SBF2: variants seen among roughly 807,000 people sequenced by gnomAD.
The protein encoded by SBF2 is myotubularin-related protein 13.
Under a neutral mutation model 225.2 loss-of-function variants are expected in SBF2, and 112 were observed. That is an observed-to-expected ratio of 0.50 (90% confidence interval 0.43 to 0.58). The LOEUF is 0.58. Ranked by LOEUF, SBF2 falls within the 20% of genes least tolerant of loss-of-function variation. SBF2 has a pLI of 0.00. For synonymous variants in SBF2, 763 were observed against 773.3 expected, an observed-to-expected ratio of 0.99 and a Z score of 0.22; for missense variants, 1,996 against 2,206.2, an observed-to-expected ratio of 0.90 and a Z score of 1.91.
In SBF2 at chr11:10,153,210, A is replaced by C. The variant is rs77761422; in HGVS notation, c.141+40692T>G. ...TGATAAACTAGAGGAAGACTGGATA[A>C]GAAATTTTTATAATTACCAAGAAGA... is the stretch of plus-strand genomic sequence containing the variant. On this transcript the variant is annotated intron_variant, in intron 2 of 39. Coordinates refer to ENST00000256190, the MANE Select transcript of SBF2 (RefSeq NM_030962.4). 5.4e-3 allele frequency among the ~76,000 whole-genome samples: 824 copies of C among 152,322 alleles called. 3 individuals carry two copies. Among genetic ancestry groups the C allele is most frequent in the Middle Eastern group, 0.014 (4 of 292 alleles).
At chr11:9,860,251 T>C (rs1857620499) in intron 17 of SBF2, among the ~76,000 whole-genome samples, 1 of 144,252 alleles carries the variant, frequency 6.9e-6, no homozygotes, top group Non-Finnish European at 1.5e-5. Context: ...CACAAGCCTA[T>C]TTTGAAACAG....
chr11:10,259,973 G>A (rs545088834), intron 1 of SBF2, among the ~76,000 whole-genome samples: 1 of 152,088 alleles, frequency 6.6e-6, no homozygotes, highest in Non-Finnish European at 1.5e-5. Context: ...ACTAATGCCT[G>A]AATCATATTA....
intron 1 of SBF2, among the ~76,000 whole-genome samples, chr11:10,280,736 G>GATAC (rs1328275609): frequency 6.6e-6 from 1 of 150,966 alleles, no homozygotes; most frequent in Non-Finnish European, 1.5e-5. Context: ...AACTACCCTT[G>GATAC]ATACAGCATG....
At chr11:10,082,400 C>G (rs1951402558) in intron 2 of SBF2, among the ~76,000 whole-genome samples, 1 of 152,034 alleles carries the variant, frequency 6.6e-6, no homozygotes, top group Admixed American at 6.6e-5. Context: ...ACCCTGATAT[C>G]AAAGCACAGT....
In SBF2 at chr11:10,024,231, TC is replaced by T. The variant is rs1353379767; in HGVS notation, c.619+4220del. ...CTTTATCCATTTCCATAATCAATTA[TC>T]CTTTACCACTGGTGGACACTGAGTT... On this transcript the variant is annotated intron_variant, in intron 6 of 39. Transcript: ENST00000256190. Among the ~76,000 whole-genome samples the T allele has an allele frequency of 1.0e-3, 158 of 152,298 alleles. 3 individuals carry two copies. The highest frequency in any genetic ancestry group is 1.5e-4 in the Non-Finnish European group (10 of 68,030).
intron 1 of SBF2, among the ~76,000 whole-genome samples, chr11:10,254,519 A>G (rs1337051574): frequency 6.6e-6 from 1 of 152,154 alleles, no homozygotes; most frequent in African/African-American, 2.4e-5. Context: ...ACAGTAGTCA[A>G]AGATATGGAA....
At chr11:9,900,431 T>A (rs963810716) in intron 16 of SBF2, among the ~76,000 whole-genome samples, 9 of 152,112 alleles carry the variant, frequency 5.9e-5, no homozygotes, top group African/African-American at 1.9e-4. Context: ...CCACCCTGCA[T>A]AACCATTTTT....
chr11:10,084,661 G>A (rs7938891), intron 2 of SBF2, among the ~76,000 whole-genome samples: 68,810 of 152,004 alleles, frequency 0.45, 16,073 homozygotes, highest in Admixed American at 0.56. Flanking sequence ...TATTCACAAT[G>A]GCAAAGATAT....
At chr11:10,291,891 C>A (rs1964181843) in intron 1 of SBF2, among the ~76,000 whole-genome samples, 1 of 152,184 alleles carries the variant, frequency 6.6e-6, no homozygotes, top group Non-Finnish European at 1.5e-5. Flanking sequence ...CACCACCTGA[C>A]AGGATGCAGT....
chr11:10,080,428 A>C (rs1356103990), intron 2 of SBF2, among the ~76,000 whole-genome samples: 8 of 152,014 alleles, frequency 5.3e-5, no homozygotes, highest in Non-Finnish European at 1.0e-4. Context: ...GACACTCTCC[A>C]TCCTAACAAA....
chr11:10,238,144 C>T (rs1042547248), intron 1 of SBF2, among the ~76,000 whole-genome samples: 3 of 152,104 alleles, frequency 2.0e-5, no homozygotes, highest in Non-Finnish European at 4.4e-5. Flanking sequence ...CACGGTGGCT[C>T]ATACCTGTTA....
At chr11:10,280,163 A>G (rs1963305266) in intron 1 of SBF2, among the ~76,000 whole-genome samples, 1 of 152,192 alleles carries the variant, frequency 6.6e-6, no homozygotes, top group South Asian at 2.1e-4. Flanking sequence ...AAAAAGTTTC[A>G]GATTTCAGAG....
chr11:10,218,177 G>A (rs986201160), intron 1 of SBF2, among the ~76,000 whole-genome samples: 7 of 152,106 alleles, frequency 4.6e-5, no homozygotes, highest in Non-Finnish European at 1.0e-4. Flanking sequence ...TGAGATTACA[G>A]GTGTGAGCCA....
intron 27 of SBF2, 116 bp downstream of exon 27, chr11:9,832,108 G>T: frequency 1.1e-6 from 1 of 885,448 alleles, no homozygotes; most frequent in Non-Finnish European, 1.8e-6. Flanking sequence ...AAGTGGAAAA[G>T]TTTGTGTGTG....
chr11:10,074,143 C>T (rs1010470562), intron 2 of SBF2, among the ~76,000 whole-genome samples: 10 of 152,190 alleles, frequency 6.6e-5, no homozygotes, highest in Admixed American at 3.9e-4. Context: ...TATAATAGAG[C>T]GGGAAAGAAA....
chr11:10,188,489 T>C (rs1427862069), intron 2 of SBF2, among the ~76,000 whole-genome samples: 1 of 152,114 alleles, frequency 6.6e-6, no homozygotes, highest in Non-Finnish European at 1.5e-5. Context: ...CAAGAAAACT[T>C]TGTCTAAAGT....
chr11:9,815,552 C>T (rs1854414314), intron 29 of SBF2, among the ~76,000 whole-genome samples: 1 of 152,052 alleles, frequency 6.6e-6, no homozygotes, highest in East Asian at 1.9e-4. Flanking sequence ...AGGCAGCATC[C>T]CAACTCTTTC....
At chr11:9,836,961 C>T (rs1855768446) in intron 26 of SBF2, among the ~76,000 whole-genome samples, 1 of 152,020 alleles carries the variant, frequency 6.6e-6, no homozygotes, top group Non-Finnish European at 1.5e-5. Context: ...GTACTAAATC[C>T]ACTTAATAAT....
chr11:10,221,029 A>G (rs1435014711), intron 1 of SBF2, among the ~76,000 whole-genome samples: 1 of 151,758 alleles, frequency 6.6e-6, no homozygotes, highest in African/African-American at 2.4e-5. Context: ...TGTTCTTCAT[A>G]GTATCCTGTT....
Sources: gnomAD v4.1 joint callset for allele counts (sites outside exome capture counted in the v4.1 genomes callset) on GRCh38, gnomAD v4.1.1 for gene constraint, MANE v1.5 for transcripts, NCBI Gene and HGNC (gene_info 2026-07-23, HGNC 2026-07-21) for gene names.